IPMK: variants seen among roughly 807,000 people sequenced by gnomAD.
The protein encoded by IPMK is inositol 1,3,4,6-tetrakisphosphate 5-kinase.
Under a neutral mutation model 45.8 loss-of-function variants are expected in IPMK, and 17 were observed. The ratio of observed to expected loss-of-function variants is 0.37; its 90% CI spans 0.25 to 0.56. IPMK has a LOEUF of 0.56. IPMK is among the 20% of genes least tolerant of loss of function. The pLI, the probability that IPMK is intolerant of heterozygous loss-of-function variation, is 0.79. For synonymous variants in IPMK, 180 were observed against 184.3 expected (o/e 0.98, Z 0.19); for missense variants, 399 against 498.0 (o/e 0.80, Z 1.89).
intron 1 of IPMK, among the ~76,000 whole-genome samples, chr10:58,259,574 T>C (rs1839025518): frequency 6.6e-6 from 1 of 151,674 alleles, no homozygotes; most frequent in African/African-American, 2.4e-5. Flanking sequence ...GGCTCACGCC[T>C]ATAATGCCAG....
intron 1 of IPMK, among the ~76,000 whole-genome samples, chr10:58,250,040 C>T (rs1291643961): frequency 2.0e-5 from 3 of 152,172 alleles, no homozygotes; most frequent in East Asian, 1.9e-4. Context: ...TTCCATTAGA[C>T]TATGTGTCTG....
chr10:58,264,710 T>C (rs2790167), intron 1 of IPMK, among the ~76,000 whole-genome samples: 51,483 of 152,076 alleles, frequency 0.34, 10,972 homozygotes, highest in African/African-American at 0.61. Flanking sequence ...TAAAAATCTA[T>C]GATTACAGAA....
intron 1 of IPMK, among the ~76,000 whole-genome samples, chr10:58,245,990 G>A (rs1156906436): frequency 7.4e-6 from 1 of 134,238 alleles, no homozygotes; most frequent in Admixed American, 6.9e-5. Flanking sequence ...AAAATCACAA[G>A]CATTCTTATA....
At chr10:58,229,710 A>ATT (rs1474334378) in intron 2 of IPMK, among the ~76,000 whole-genome samples, 3 of 152,152 alleles carry the variant, frequency 2.0e-5, no homozygotes, top group Non-Finnish European at 2.9e-5. Context: ...CATGAAAAAG[A>ATT]GGAAAGAAAG....
rs1554823051 is a variant in IPMK at position 58,211,919 on chromosome 10, A to AAAAAATAAAAAAAT, written c.546+4225_546+4226insATTTTTTTATTTTT. Reference sequence around the variant, plus strand: ...ATCTCACCAAAAAAAAAAAAAAAAAAAAAAAATTTGTTTTCATTGTTGTGG... The same window carrying AAAAAATAAAAAAAT: ...ATCTCACCAAAAAAAAAAAAAAAAAAAAAAATAAAAAAATAAAAAATTTGTTTTCATTGTTGTGG... On this transcript the variant is annotated intron_variant, in intron 4 of 5. Coordinates refer to ENST00000373935, the MANE Select transcript of IPMK (RefSeq NM_152230.5). Among the ~76,000 whole-genome samples the AAAAAATAAAAAAAT allele has an allele frequency of 3.6e-3, 537 of 148,218 alleles. 5 individuals are homozygous for AAAAAATAAAAAAAT. The highest frequency in any genetic ancestry group is 0.014 in the African/African-American group (518 of 38,228).
At chr10:58,248,314 CTG>C (rs1337977032) in intron 1 of IPMK, among the ~76,000 whole-genome samples, 1 of 151,762 alleles carries the variant, frequency 6.6e-6, no homozygotes, top group Non-Finnish European at 1.5e-5. Context: ...AGATGGCAAA[CTG>C]TGTTTTTTAA....
At chr10:58,242,912 T>C (rs750563755) in intron 1 of IPMK, among the ~76,000 whole-genome samples, 7 of 152,088 alleles carry the variant, frequency 4.6e-5, no homozygotes, top group Non-Finnish European at 1.0e-4. Flanking sequence ...ATCTGGTAGT[T>C]TGAAAGTGTG....
chr10:58,219,827 A>G (rs1297254088), intron 3 of IPMK, among the ~76,000 whole-genome samples: 1 of 152,228 alleles, frequency 6.6e-6, no homozygotes, highest in Non-Finnish European at 1.5e-5. Context: ...GTAAAAATGT[A>G]TTTATTACGT....
intron 3 of IPMK, among the ~76,000 whole-genome samples, chr10:58,221,090 G>T (rs1838325979): frequency 6.6e-6 from 1 of 152,012 alleles, no homozygotes; most frequent in Non-Finnish European, 1.5e-5. Flanking sequence ...CAACCCTCAG[G>T]CTAATATCAA....
intron 2 of IPMK, among the ~76,000 whole-genome samples, chr10:58,232,581 C>A (rs1838541555): frequency 6.6e-6 from 1 of 152,170 alleles, no homozygotes; most frequent in Non-Finnish European, 1.5e-5. Context: ...TGAATGACAA[C>A]TGGGTACATA....
chr10:58,254,871 T>G (rs1838940634), intron 1 of IPMK, among the ~76,000 whole-genome samples: 1 of 152,234 alleles, frequency 6.6e-6, no homozygotes, highest in Admixed American at 6.5e-5. Context: ...TAAATGCTGT[T>G]GCAGGATGAA....
At chr10:58,239,685 G>A (rs1220023544) in intron 1 of IPMK, among the ~76,000 whole-genome samples, 3 of 152,170 alleles carry the variant, frequency 2.0e-5, no homozygotes, top group Admixed American at 2.0e-4. Flanking sequence ...AAGACAGAAG[G>A]TGGTAATCTC....
At chr10:58,197,066 C>T (rs1391966568) in intron 5 of IPMK, among the ~76,000 whole-genome samples, 2 of 151,786 alleles carry the variant, frequency 1.3e-5, no homozygotes, top group South Asian at 2.1e-4. Flanking sequence ...TTTGGGAGGC[C>T]AAGGCGGGCG....
chr10:58,221,092 TA>T (rs1198147631), intron 3 of IPMK, among the ~76,000 whole-genome samples: 2 of 152,212 alleles, frequency 1.3e-5, no homozygotes, highest in Non-Finnish European at 2.9e-5. Flanking sequence ...ACCCTCAGGC[TA>T]ATATCAAGCC....
At chr10:58,211,831 G>GT (rs201261806) in intron 4 of IPMK, among the ~76,000 whole-genome samples, 135,943 of 145,102 alleles carry the variant, frequency 0.94, 63,801 homozygotes, top group African/African-American at 0.99. Context: ...AGGAGGATCC[G>GT]GAACCCAGGG....
At chr10:58,257,920 G>A (rs549331638) in intron 1 of IPMK, among the ~76,000 whole-genome samples, 2 of 152,298 alleles carry the variant, frequency 1.3e-5, no homozygotes, top group South Asian at 4.1e-4. Context: ...AAATTATTTG[G>A]TGGTTCAAAA....
At chr10:58,225,890 C>T (rs1588960230) in intron 3 of IPMK, among the ~76,000 whole-genome samples, 1 of 151,878 alleles carries the variant, frequency 6.6e-6, no homozygotes, top group African/African-American at 2.4e-5. Flanking sequence ...GGAATGATGA[C>T]CAAAGGGCAA....
chr10:58,237,046 A>G (rs1003350440), intron 2 of IPMK, among the ~76,000 whole-genome samples: 4 of 152,196 alleles, frequency 2.6e-5, no homozygotes, highest in Admixed American at 6.5e-5. Context: ...ACTGCACTTC[A>G]GCCTGGGCAA....
intron 1 of IPMK, among the ~76,000 whole-genome samples, chr10:58,252,345 T>A (rs1193438242): frequency 1.3e-5 from 2 of 152,200 alleles, no homozygotes; most frequent in African/African-American, 2.4e-5. Context: ...TTGTTGGAGT[T>A]ATTAAGAGTT....
Sources: gnomAD v4.1 joint callset for allele counts (sites outside exome capture counted in the v4.1 genomes callset) on GRCh38, gnomAD v4.1.1 for gene constraint, MANE v1.5 for transcripts, NCBI Gene and HGNC (gene_info 2026-07-23, HGNC 2026-07-21) for gene names.